The following SLC38A1 variants were observed in gnomAD, a reference collection of about 807,000 sequenced individuals.
SLC38A1 encodes the protein sodium-coupled neutral amino acid symporter 1.
Under a neutral mutation model 60.3 loss-of-function variants are expected in SLC38A1, and 18 were observed. The ratio of observed to expected loss-of-function variants is 0.30; its 90% CI spans 0.21 to 0.44. SLC38A1 has a LOEUF of 0.44. SLC38A1 is among the 20% of genes least tolerant of loss of function. The pLI, the probability that SLC38A1 is intolerant of heterozygous loss-of-function variation, is 1.00. For missense variants in SLC38A1, 448 were observed against 587.2 expected (o/e 0.76, Z 2.45); for synonymous variants, 196 against 212.1 (o/e 0.92, Z 0.66).
chr12:46,204,106 A>T (rs1247402632), intron 11 of SLC38A1, among the ~76,000 whole-genome samples, 195 bp downstream of exon 11: 1 of 152,224 alleles, frequency 6.6e-6, no homozygotes, highest in African/African-American at 2.4e-5. Context: ...AGAATGCTTA[A>T]TGGTAAGAGA....
chr12:46,248,458 A>G (rs1359120964), intron 1 of SLC38A1, among the ~76,000 whole-genome samples: 1 of 152,208 alleles, frequency 6.6e-6, no homozygotes, highest in Non-Finnish European at 1.5e-5. Context: ...TGGTAAAGGG[A>G]TCAATTCAAC....
chr12:46,185,971 C>G lies in SLC38A1; in HGVS notation c.*2999G>C, dbSNP rs957706400. 3 of 152,198 alleles carry G rather than the reference C, an allele frequency of 2.0e-5. No individual in the cohort carries two copies. The highest frequency in any genetic ancestry group is 7.2e-5 in the African/African-American group (3 of 41,436). 9.4% of individuals were successfully genotyped at this position (152,198 alleles called of 1,614,324 possible). The stretch of plus-strand genomic sequence containing the variant: ...TAACAGGCAACTCTGAACAAACACC[C>G]TCCCTGGAAACAATATTATATTTGA... On this transcript the variant is annotated 3_prime_UTR_variant, in exon 17 of 17. Transcript: ENST00000398637.
At chr12:46,206,300 A>G in intron 8 of SLC38A1, 138 bp from the exon 9 acceptor site, 1 of 506,132 alleles carries the variant, frequency 2.0e-6, no homozygotes, top group South Asian at 3.1e-5. Flanking sequence ...ATCATTATTC[A>G]GGTCTTATCC....
At chr12:46,267,138 A>C (rs1942376452) in intron 1 of SLC38A1, 1 of 152,100 alleles carries the variant, frequency 6.6e-6, no homozygotes, top group African/African-American at 2.4e-5. Context: ...GCAAACCATA[A>C]ATTTATTTTC....
chr12:46,264,827 T>C (rs1942303181), intron 1 of SLC38A1, among the ~76,000 whole-genome samples: 2 of 152,224 alleles, frequency 1.3e-5, no homozygotes, highest in African/African-American at 4.8e-5. Flanking sequence ...TGCCTTTGCA[T>C]ACAAGATGTC....
At chr12:46,236,628 A>G (rs1941269728) in intron 3 of SLC38A1, among the ~76,000 whole-genome samples, 1 of 152,152 alleles carries the variant, frequency 6.6e-6, no homozygotes, top group Admixed American at 6.5e-5. Flanking sequence ...GACATTACCT[A>G]GACACTAGGA....
chr12:46,194,738 A>C lies in SLC38A1; in HGVS notation c.1362+2982T>G, dbSNP rs113461616. Among the ~76,000 whole-genome samples the C allele has an allele frequency of 5.7e-4, 87 of 152,208 alleles. 1 individual carries two copies. The highest frequency in any genetic ancestry group is 1.3e-3 in the African/African-American group (53 of 41,518). ...TCGAATCGGCTATTGAAGCTTGTGC[A>C]TGAGTCTCGAAGTTCTTGTGCTGTG... On this transcript the variant is annotated intron_variant, in intron 16 of 16. Coordinates refer to ENST00000398637, the MANE Select transcript of SLC38A1 (RefSeq NM_030674.4).
intron 5 of SLC38A1, among the ~76,000 whole-genome samples, chr12:46,226,776 C>T (rs1940883118): frequency 6.6e-6 from 1 of 152,018 alleles, no homozygotes; most frequent in African/African-American, 2.4e-5. Context: ...CCCCTACACC[C>T]AGCTAATTTT....
intron 1 of SLC38A1, among the ~76,000 whole-genome samples, chr12:46,257,559 C>T (rs1380620045): frequency 1.3e-5 from 2 of 152,102 alleles, no homozygotes; most frequent in Admixed American, 1.3e-4. Context: ...GGTTGGGAGG[C>T]TTCTTCGGTA....
At position 46,268,958 on chromosome 12, in the gene SLC38A1, A is replaced by T. The variant is rs927473908; in HGVS notation, c.-641T>A. ...CCGCAACCATGGCTTGTGATGGTTTAACGCGGACAGGCCATTCCTCCCCGT... is the reference window on the plus strand; with the variant it reads ...CCGCAACCATGGCTTGTGATGGTTTTACGCGGACAGGCCATTCCTCCCCGT... On this transcript the variant is annotated 5_prime_UTR_variant, in exon 1 of 17. It removes the in-frame stop codon of an upstream open reading frame in the 5' UTR. Coordinates refer to ENST00000398637, the MANE Select transcript of SLC38A1 (RefSeq NM_030674.4). This position sits in a 1 kb window ranked among gnomAD's most constrained non-coding sequence, Gnocchi z 4.4. The T allele has an allele frequency of 2.2e-6, 1 of 446,216 alleles. No homozygotes were observed. The highest frequency in any genetic ancestry group is 2.0e-5 in the African/African-American group (1 of 50,002). The allele number at this position is 446,216 out of a possible 1,614,324, so 27.6% of individuals were successfully genotyped here.
intron 5 of SLC38A1, among the ~76,000 whole-genome samples, chr12:46,215,062 C>G (rs759031148): frequency 1.3e-5 from 2 of 152,206 alleles, no homozygotes; most frequent in Non-Finnish European, 2.9e-5. Context: ...ACCTGAGATT[C>G]AGCATTTCTA....
intron 7 of SLC38A1, 66 bp downstream of exon 7, chr12:46,207,463 T>C: frequency 6.9e-7 from 1 of 1,450,246 alleles, no homozygotes. Flanking sequence ...TATGTTAAAA[T>C]TCATGTGGCC....
intron 16 of SLC38A1, among the ~76,000 whole-genome samples, chr12:46,191,276 T>C (rs10467211): frequency 0.06 from 9,212 of 152,294 alleles, 497 homozygotes; most frequent in African/African-American, 0.14. Context: ...GCCTCTGTTC[T>C]GTTCCATTGG....
chr12:46,249,607 A>G (rs992557813), intron 1 of SLC38A1, among the ~76,000 whole-genome samples: 3 of 152,194 alleles, frequency 2.0e-5, no homozygotes, highest in Admixed American at 6.5e-5. Flanking sequence ...AATAAAGAAG[A>G]AAAGAGAGAA....
At chr12:46,199,722 C>A (rs141968354) in intron 13 of SLC38A1, among the ~76,000 whole-genome samples, 1 of 152,162 alleles carries the variant, frequency 6.6e-6, no homozygotes, top group South Asian at 2.1e-4. Flanking sequence ...CAAAGACTAA[C>A]AAAGCTAGAA....
At chr12:46,189,129 C>A (rs1355625619) in intron 16 of SLC38A1, 58 bp from the exon 17 acceptor site, 18 of 1,315,448 alleles carry the variant, frequency 1.4e-5, no homozygotes, top group Non-Finnish European at 1.9e-5. Context: ...TCCACATGTA[C>A]CTGGGGAAAA....
chr12:46,194,014 G>GT (rs769103526), intron 16 of SLC38A1, among the ~76,000 whole-genome samples: 1 of 152,200 alleles, frequency 6.6e-6, no homozygotes, highest in Non-Finnish European at 1.5e-5. Flanking sequence ...AATTGATGCA[G>GT]TTTTTTCATA....
chr12:46,207,499 G>A (rs1233424360), intron 7 of SLC38A1, 30 bp downstream of exon 7: 3 of 1,587,620 alleles, frequency 1.9e-6, no homozygotes, highest in Admixed American at 1.7e-5. Flanking sequence ...TTAGTTTCAA[G>A]TTATGTAAAG....
At chr12:46,225,387 T>G (rs1160095027) in intron 5 of SLC38A1, among the ~76,000 whole-genome samples, 1 of 152,206 alleles carries the variant, frequency 6.6e-6, no homozygotes, top group Non-Finnish European at 1.5e-5. Context: ...CTGGAAAGTA[T>G]ACAATATATG....
Sources: allele counts gnomAD v4.1 joint callset (sites outside exome capture counted in the v4.1 genomes callset), GRCh38; gene constraint gnomAD v4.1.1; non-coding constraint Gnocchi (gnomAD v3.1); transcripts MANE v1.5; gene names NCBI Gene and HGNC (gene_info 2026-07-23, HGNC 2026-07-21).